Variants in MTMR8 observed in about 807,000 individuals in gnomAD.
MTMR8 encodes the protein myotubularin related protein 8, also known as phosphatidylinositol-3,5-bisphosphate 3-phosphatase MTMR8.
A neutral mutation model predicts 39.3 loss-of-function variants in MTMR8; 65 were observed. The ratio of observed to expected loss-of-function variants is 1.65; its 90% CI spans 1.35 to 2.03. MTMR8 has a LOEUF of 2.03. Among genes scored for constraint, MTMR8 ranks in the 30% most tolerant of loss-of-function variants. The pLI, the probability that MTMR8 is intolerant of heterozygous loss-of-function variation, is 0.00. For missense variants in MTMR8, 777 were observed against 538.9 expected (o/e 1.44, Z -4.37); for synonymous variants, 245 against 185.2 (o/e 1.32, Z -2.62).
chrX:64,360,578 C>T (rs1464404217), intron 1 of MTMR8, among the ~76,000 whole-genome samples: 1 of 110,511 alleles, frequency 9.0e-6, no homozygotes, highest in Non-Finnish European at 1.9e-5. Context: ...TCCAAACGTT[C>T]AATATCATAC....
intron 3 of MTMR8, 72 bp downstream of exon 3, chrX:64,356,104 C>G (rs1430936900): frequency 2.9e-6 from 3 of 1,048,359 alleles, no homozygotes; most frequent in Non-Finnish European, 3.9e-6. Context: ...GACTCCATAG[C>G]CCTGATCTTT....
intron 12 of MTMR8, among the ~76,000 whole-genome samples, chrX:64,288,284 C>T (rs1250539760): frequency 9.0e-6 from 1 of 110,842 alleles, no homozygotes; most frequent in Non-Finnish European, 1.9e-5. Flanking sequence ...TCACCACTGG[C>T]CATCAGAGAA....
intron 10 of MTMR8, among the ~76,000 whole-genome samples, chrX:64,333,553 C>G: frequency 8.9e-6 from 1 of 111,879 alleles, no homozygotes; most frequent in East Asian, 2.8e-4. Context: ...GGCATATCTT[C>G]CACCTTATCT....
intron 12 of MTMR8, among the ~76,000 whole-genome samples, chrX:64,322,085 C>A (rs1259076246): frequency 9.2e-6 from 1 of 108,633 alleles, no homozygotes; most frequent in Admixed American, 9.8e-5. Context: ...GCTCTGTGAC[C>A]CAGGTGGGAG....
chrX:64,307,726 CAA>C (rs781045932), intron 12 of MTMR8, among the ~76,000 whole-genome samples: 2 of 111,174 alleles, frequency 1.8e-5, no homozygotes, highest in Admixed American at 9.6e-5. Flanking sequence ...ACTACATCTC[CAA>C]AAAAAATCTG....
intron 1 of MTMR8, among the ~76,000 whole-genome samples, chrX:64,363,852 G>A (rs1191579345): frequency 1.8e-5 from 2 of 111,672 alleles, no homozygotes; most frequent in African/African-American, 6.5e-5. Flanking sequence ...AGACGTGACG[G>A]ACTGTACCTG....
chrX:64,386,985 T>C (rs1376165315), intron 1 of MTMR8, among the ~76,000 whole-genome samples: 1 of 111,230 alleles, frequency 9.0e-6, no homozygotes, highest in Non-Finnish European at 1.9e-5. Context: ...GCCTGGGAAG[T>C]TGAGGCTGCA....
At chrX:64,316,387 C>A (rs1922466191) in intron 12 of MTMR8, among the ~76,000 whole-genome samples, 1 of 112,262 alleles carries the variant, frequency 8.9e-6, no homozygotes, top group African/African-American at 3.2e-5. Context: ...TGGCTCACAC[C>A]TGTAATACCA....
At chrX:64,352,966 T>G (rs748765221) in intron 4 of MTMR8, among the ~76,000 whole-genome samples, 2 of 111,719 alleles carry the variant, frequency 1.8e-5, no homozygotes, top group African/African-American at 6.5e-5. Context: ...ATTCCTTAAT[T>G]TGGTCACGAA....
chrX:64,273,898 A>G, intron 12 of MTMR8, among the ~76,000 whole-genome samples: 1 of 112,133 alleles, frequency 8.9e-6, no homozygotes, highest in Non-Finnish European at 1.9e-5. Context: ...TCAATACATC[A>G]GGAAAATATA....
chrX:64,338,576 A>G (rs1923135522), intron 8 of MTMR8, among the ~76,000 whole-genome samples: 1 of 112,303 alleles, frequency 8.9e-6, no homozygotes, highest in Non-Finnish European at 1.9e-5. Context: ...TAGGAGGACA[A>G]GGGTCAGACC....
At position 64,356,210 on chromosome X, in the gene MTMR8, C is replaced by T; in HGVS notation, c.276G>A (p.Glu92=). The T allele has an allele frequency of 1.7e-6, 2 of 1,207,996 alleles. No homozygotes were observed. Among genetic ancestry groups the T allele is most frequent in the Non-Finnish European group, 2.2e-6 (2 of 893,849 alleles). Residue 92 remains glutamate, a synonymous_variant, in exon 3 of 14, where the codon GAG becomes GAA. Transcript: ENST00000374852. ...FVLDSDLVCH[E]VYISLLKLSQ... is the part of the protein sequence containing the mutation. ...AAAGCTTGAGCAGTGAAATATAAACCTCATGGCACACAAGGTCAGAATCTA... is the reference window on the plus strand; with the variant it reads ...AAAGCTTGAGCAGTGAAATATAAACTTCATGGCACACAAGGTCAGAATCTA...
chrX:64,282,274 T>C (rs1256217952), intron 12 of MTMR8, among the ~76,000 whole-genome samples: 1 of 111,136 alleles, frequency 9.0e-6, no homozygotes, highest in East Asian at 2.8e-4. Flanking sequence ...AGCACACATA[T>C]GTTTATTGCA....
intron 1 of MTMR8, among the ~76,000 whole-genome samples, chrX:64,378,892 C>T (rs1924339569): frequency 9.0e-6 from 1 of 111,652 alleles, no homozygotes; most frequent in African/African-American, 3.3e-5. Context: ...AGATGCTAGC[C>T]AGGCTACCTA....
intron 12 of MTMR8, among the ~76,000 whole-genome samples, chrX:64,312,431 C>A (rs929745415): frequency 9.0e-6 from 1 of 111,721 alleles, no homozygotes; most frequent in East Asian, 2.8e-4. Flanking sequence ...ACACGGATGC[C>A]CTCTCTCACC....
intron 1 of MTMR8, among the ~76,000 whole-genome samples, chrX:64,381,186 G>C (rs1467867031): frequency 1.8e-5 from 2 of 111,845 alleles, no homozygotes; most frequent in Non-Finnish European, 3.8e-5. Context: ...TTCCACAATG[G>C]TTGAATTAGT....
intron 12 of MTMR8, among the ~76,000 whole-genome samples, chrX:64,285,538 C>T (rs1201231453): frequency 1.8e-5 from 2 of 111,714 alleles, no homozygotes; most frequent in African/African-American, 3.3e-5. Flanking sequence ...CAGCACCACA[C>T]CACACCTATT....
chrX:64,288,118 C>T (rs1351381526), intron 12 of MTMR8, among the ~76,000 whole-genome samples: 8 of 100,439 alleles, frequency 8.0e-5, no homozygotes, highest in East Asian at 3.3e-4. Context: ...CTCTGACAAA[C>T]GGCTAACATC....
intron 13 of MTMR8, among the ~76,000 whole-genome samples, chrX:64,269,638 C>A (rs756362394): frequency 2.7e-5 from 3 of 111,087 alleles, no homozygotes; most frequent in African/African-American, 3.3e-5. Context: ...TGGGGTCATA[C>A]GTCCCCATTG....
Sources: allele counts gnomAD v4.1 joint callset (sites outside exome capture counted in the v4.1 genomes callset), GRCh38; gene constraint gnomAD v4.1.1; transcripts MANE v1.5; gene names NCBI Gene and HGNC (gene_info 2026-07-23, HGNC 2026-07-21).